CTTNBP2: variants seen among roughly 807,000 people sequenced by gnomAD.
CTTNBP2 encodes cortactin-binding protein 2.
Under a neutral mutation model 156.9 loss-of-function variants are expected in CTTNBP2, and 108 were observed. The observed-to-expected ratio is 0.69, with a 90% confidence interval of 0.59 to 0.81. The LOEUF is 0.81. Ranked by LOEUF, CTTNBP2 falls within the 30% of genes least tolerant of loss-of-function variation. The pLI, the probability that CTTNBP2 is intolerant of heterozygous loss-of-function variation, is 0.00. For missense variants in CTTNBP2, 1,924 were observed against 2,035.4 expected (o/e 0.95, Z 1.05); for synonymous variants, 767 against 751.8 (o/e 1.02, Z -0.33).
At chr7:117,767,006 AG>A in intron 9 of CTTNBP2, 52 bp downstream of exon 9, 1 of 972,180 alleles carries the variant, frequency 1.0e-6, no homozygotes, top group African/African-American at 1.6e-5. Flanking sequence ...ATTGTACCAG[AG>A]GCCCCAGCAG....
At chr7:117,854,367 A>G (rs2117208768) in intron 2 of CTTNBP2, among the ~76,000 whole-genome samples, 1 of 152,302 alleles carries the variant, frequency 6.6e-6, no homozygotes, top group Middle Eastern at 3.4e-3. Context: ...AAAAAGCCAG[A>G]TTGTTATTCT....
intron 14 of CTTNBP2, among the ~76,000 whole-genome samples, chr7:117,736,130 T>C (rs904087086): frequency 1.3e-5 from 2 of 152,202 alleles, no homozygotes; most frequent in Non-Finnish European, 2.9e-5. Context: ...AAATGACCTT[T>C]AAATTATGCA....
chr7:117,784,110 C>T (rs1798570854), intron 5 of CTTNBP2, 141 bp downstream of exon 5: 1 of 569,966 alleles, frequency 1.8e-6, no homozygotes, highest in Middle Eastern at 2.9e-4. Context: ...CTTTAAATCT[C>T]ATGTTTAAAA....
In CTTNBP2 at chr7:117,861,281, G is replaced by T; in HGVS notation, c.117C>A (p.Ser39=). The T allele has an allele frequency of 1.2e-6, 2 of 1,613,448 alleles. No individual in the cohort carries two copies. Among genetic ancestry groups the T allele is most frequent in the South Asian group, 2.2e-5 (2 of 90,884 alleles). Residue 39 remains serine, a synonymous_variant, in exon 2 of 23, where the codon TCC becomes TCA. Transcript: ENST00000160373. ...KEFDVDTLSK[S]ELRMLLSVME... ...TCACGCTGAGGAGCATCCGCAGCTCGGATTTACTGAGAGTATCCACATCAA... is the reference window on the plus strand; with the variant it reads ...TCACGCTGAGGAGCATCCGCAGCTCTGATTTACTGAGAGTATCCACATCAA...
intron 16 of CTTNBP2, among the ~76,000 whole-genome samples, chr7:117,729,670 C>G (rs1748873205): frequency 6.7e-6 from 1 of 149,156 alleles, no homozygotes; most frequent in South Asian, 2.1e-4. Flanking sequence ...AATTGCCTTC[C>G]TTTTTTTTTT....
At chr7:117,770,379 A>G (rs1003319723) in intron 8 of CTTNBP2, among the ~76,000 whole-genome samples, 5 of 152,226 alleles carry the variant, frequency 3.3e-5, no homozygotes, top group African/African-American at 1.2e-4. Context: ...AGAGTAGCAC[A>G]TAGCCAAACA....
At position 117,810,657 on chromosome 7, in the gene CTTNBP2, T is replaced by C. The variant is rs1002202147; in HGVS notation, c.414+108A>G. 5.8e-6 allele frequency: 5 copies of C among 864,478 alleles called. No individual in the cohort carries two copies. In the African/African-American group the frequency reaches 8.3e-5, roughly 14 times the overall value. 53.6% of individuals were successfully genotyped at this position (864,478 alleles called of 1,614,324 possible). A position where few individuals can be genotyped will look rare whatever the true frequency, so the allele number is the denominator to read the frequency against. On this transcript the variant is annotated intron_variant, in intron 3 of 22. Transcript: ENST00000160373. The stretch of plus-strand genomic sequence containing the variant: ...AGCCTCTTGCACTTCTAAGTACTTA[T>C]TGCAATCCTGTCTGAAAATATAATA...
intron 1 of CTTNBP2, among the ~76,000 whole-genome samples, chr7:117,862,353 A>G (rs1459339782): frequency 6.6e-6 from 1 of 151,998 alleles, no homozygotes; most frequent in Non-Finnish European, 1.5e-5. Flanking sequence ...TTTCTCACAC[A>G]AGGTTCTTCC....
rs771317925 is a variant in CTTNBP2 at position 117,735,298 on chromosome 7, C to T, written c.3659G>A (p.Ser1220Asn). 6.2e-7 allele frequency: 1 copy of T among 1,614,044 alleles called. No homozygotes were observed. The highest frequency in any genetic ancestry group is 2.2e-5 in the East Asian group (1 of 44,886). The change falls in exon 15 of 23, where the codon AGC becomes AAC. Residue 1220 changes from serine (S) to asparagine (N), a missense_variant. Transcript: ENST00000160373. The part of the protein sequence containing the change: ...RDFLAPLENR[S>N]TESPCTFQKG... Reference sequence around the variant, plus strand: ...TTGGAAAGTGCAGGGGCTTTCAGTGCTGCGATTTTCAAGAGGTGCCAAAAA... The same window carrying T: ...TTGGAAAGTGCAGGGGCTTTCAGTGTTGCGATTTTCAAGAGGTGCCAAAAA...
At chr7:117,726,284 C>A (rs1372227648) in intron 17 of CTTNBP2, among the ~76,000 whole-genome samples, 1 of 152,220 alleles carries the variant, frequency 6.6e-6, no homozygotes, top group East Asian at 1.9e-4. Flanking sequence ...AAAGCTTAGA[C>A]ATTGCATAAA....
rs376066347 is a variant in CTTNBP2 at position 117,757,937 on chromosome 7, G to A, written c.3206C>T (p.Ala1069Val). 5.6e-5 allele frequency: 91 copies of A among 1,613,346 alleles called. No individual in the cohort carries two copies. The highest frequency in any genetic ancestry group is 7.5e-5 in the Non-Finnish European group (89 of 1,179,764). Residue 1069 changes from alanine (A) to valine (V), a missense_variant, in exon 11 of 23, where the codon GCG becomes GTG. Transcript: ENST00000160373. ...CCTCATAAAGTCCCACGGGGACTGC[G>A]CGAAGCTCTGACCCACTGACCACGG... ...NVPWSVGQSF[A>V]QSPWDFMRKN...
intron 1 of CTTNBP2, among the ~76,000 whole-genome samples, chr7:117,863,495 A>G (rs938738317): frequency 2.6e-5 from 4 of 152,230 alleles, no homozygotes; most frequent in African/African-American, 9.6e-5. Context: ...AGACCTTGTG[A>G]AAAAACAAGC....
At chr7:117,758,199 C>A in intron 10 of CTTNBP2, 1 of 507,288 alleles carries the variant, frequency 2.0e-6, no homozygotes, top group Non-Finnish European at 3.5e-6. Flanking sequence ...CAAAGCAGCC[C>A]ATAGGAGGGA....
chr7:117,867,813 A>T (rs1476236892), intron 1 of CTTNBP2, among the ~76,000 whole-genome samples: 1 of 152,172 alleles, frequency 6.6e-6, no homozygotes, highest in Non-Finnish European at 1.5e-5. Context: ...CAGCTCTCCA[A>T]GGTCATGCAC....
chr7:117,805,942 G>A (rs1799911813), intron 3 of CTTNBP2, among the ~76,000 whole-genome samples: 1 of 152,054 alleles, frequency 6.6e-6, no homozygotes, highest in Admixed American at 6.5e-5. Flanking sequence ...TTTGATTGTA[G>A]GACTACACAA....
At position 117,745,127 on chromosome 7, in the gene CTTNBP2, G is replaced by A. The variant is rs568374140; in HGVS notation, c.3535+704C>T. The stretch of plus-strand genomic sequence containing the variant: ...ATGCTAATTCCACCTGTGATGAAAC[G>A]TGGGGTATTAGACCCTGGAATCTAA... On this transcript the variant is annotated intron_variant, in intron 14 of 22. Coordinates refer to ENST00000160373, the MANE Select transcript of CTTNBP2 (RefSeq NM_033427.3). 7.9e-5 allele frequency among the ~76,000 whole-genome samples: 12 copies of A among 152,244 alleles called. No individual in the cohort carries two copies. The South Asian group carries it at 2.1e-3, about 26-fold the overall frequency.
In CTTNBP2 at chr7:117,823,211, C is replaced by T. The variant is rs536913547; in HGVS notation, c.190-12222G>A. 6.2e-4 allele frequency among the ~76,000 whole-genome samples: 94 copies of T among 152,262 alleles called. No homozygotes were observed. The Middle Eastern group carries it at 0.01, about 17-fold the overall frequency. ...TAGGACAAGACTCTCTCACAATGTT[C>T]ATTTCTTAAAATTTGCTATGCAACC... On this transcript the variant is annotated intron_variant, in intron 2 of 22. Coordinates refer to ENST00000160373, the MANE Select transcript of CTTNBP2 (RefSeq NM_033427.3).
intron 22 of CTTNBP2, among the ~76,000 whole-genome samples, chr7:117,715,415 G>A (rs568022134): frequency 9.9e-4 from 144 of 145,878 alleles, no homozygotes; most frequent in African/African-American, 3.7e-3. Context: ...GAATCACCAG[G>A]GACCTTTAAA....
intron 16 of CTTNBP2, among the ~76,000 whole-genome samples, chr7:117,733,264 A>C (rs1795504128): frequency 6.6e-6 from 1 of 152,202 alleles, no homozygotes. Flanking sequence ...TTATTGGTAT[A>C]GGAAAGGCAT....
Sources: allele counts gnomAD v4.1 joint callset (sites outside exome capture counted in the v4.1 genomes callset), GRCh38; gene constraint gnomAD v4.1.1; transcripts MANE v1.5; gene names NCBI Gene and HGNC (gene_info 2026-07-23, HGNC 2026-07-21).